DAB2: variants seen among roughly 807,000 people sequenced by gnomAD.
DAB2 encodes the protein disabled homolog 2.
In DAB2, 28 loss-of-function variants were observed where a neutral mutation model predicts 71.6. The observed-to-expected ratio is 0.39, with a 90% CI of 0.29 to 0.54. DAB2 has a LOEUF of 0.54. Ranked by LOEUF, DAB2 falls within the 20% of genes least tolerant of loss-of-function variation. The pLI is 0.68. For missense variants in DAB2, 867 were observed against 928.8 expected (o/e 0.93, Z 0.86); for synonymous variants, 345 against 339.7 (o/e 1.02, Z -0.17).
chr5:39,419,715 A>C (rs1029902131), intron 1 of DAB2, among the ~76,000 whole-genome samples: 2 of 152,216 alleles, frequency 1.3e-5, no homozygotes, highest in African/African-American at 2.4e-5. Flanking sequence ...GTCTCCTAAT[A>C]AATGAAGATT....
Position 39,390,551 on chromosome 5 carries a change from T to A in DAB2, c.355A>T (p.Asn119Tyr). ...TCACGGGCAATGAAAGAAATCTTAT[T>A]TACTGGATGTTCATGCTCTATTACC... ...TGVIEHEHPV[N>Y]KISFIARDVT... Residue 119 changes from asparagine (N) to tyrosine (Y), a missense_variant, in exon 5 of 15, where the codon AAT (asparagine) becomes TAT (tyrosine). Asn to Tyr is a moderately radical substitution (Grantham distance 143, BLOSUM62 -2). Coordinates refer to ENST00000320816, the MANE Select transcript of DAB2 (RefSeq NM_001343.4). 2 of 1,613,286 alleles carry A rather than the reference T, an allele frequency of 1.2e-6. No individual in the cohort carries two copies. The highest frequency in any genetic ancestry group is 1.7e-6 in the Non-Finnish European group (2 of 1,179,310).
intron 4 of DAB2, among the ~76,000 whole-genome samples, chr5:39,391,669 T>C (rs188568119): frequency 1.1e-3 from 164 of 152,142 alleles, no homozygotes; most frequent in African/African-American, 3.8e-3. Context: ...TGATGTTACA[T>C]TGAGTACAGA....
At chr5:39,424,538 G>A (rs1756060920) in intron 1 of DAB2, among the ~76,000 whole-genome samples, 1 of 149,768 alleles carries the variant, frequency 6.7e-6, no homozygotes, top group African/African-American at 2.5e-5. Flanking sequence ...AAAAGGAGGC[G>A]TTTGTTAAAT....
chr5:39,374,790 C>T (rs1405524466), intron 14 of DAB2: 1 of 458,428 alleles, frequency 2.2e-6, no homozygotes, highest in African/African-American at 2.1e-5. Context: ...AATCCACATC[C>T]CCAAGGGTAT....
intron 3 of DAB2, 68 bp downstream of exon 3, chr5:39,393,186 C>T: frequency 6.7e-7 from 1 of 1,497,840 alleles, no homozygotes; most frequent in East Asian, 2.3e-5. Flanking sequence ...TCAACAAGAG[C>T]TTCTAATATA....
Position 39,388,364 on chromosome 5 carries a change from C to T in DAB2, c.628G>A (p.Val210Ile). Residue 210 changes from valine to isoleucine, a missense_variant, in exon 9 of 15, where the codon GTT becomes ATT. Physicochemically the swap from Val to Ile is conservative, Grantham distance 29 (BLOSUM62 3). Around this residue, in one of 2 missense-constraint regions of DAB2, gnomAD observed 740 missense variants for 734.3 expected, o/e 1.01. Transcript: ENST00000320816. ...TCCCCAAACAAATCCATCTGGTCAA[C>T]ACCCTTAAAAAAGTATTTGGATTAG... is the stretch of plus-strand genomic sequence containing the variant. Reference protein sequence around the residue: ...DDQTNKLKSGVDQMDLFGDMS... With the variant: ...DDQTNKLKSGIDQMDLFGDMS... 4.4e-6 allele frequency: 7 copies of T among 1,608,562 alleles called. No individual in the cohort carries two copies. Among genetic ancestry groups the T allele is most frequent in the Non-Finnish European group, 6.0e-6 (7 of 1,175,372 alleles).
chr5:39,418,346 C>A (rs1043555056), intron 1 of DAB2: 5 of 152,094 alleles, frequency 3.3e-5, no homozygotes, highest in African/African-American at 1.2e-4. Context: ...TTCTGTTGCA[C>A]TAAATGGTAA....
chr5:39,395,934 A>ATCCTTTT (rs1755355528), intron 1 of DAB2, among the ~76,000 whole-genome samples: 1 of 32,896 alleles, frequency 3.0e-5, no homozygotes, highest in Non-Finnish European at 6.7e-5. Context: ...AGACACAGAT[A>ATCCTTTT]TTCTTTTTTT....
chr5:39,402,350 T>C (rs937087858), intron 1 of DAB2, among the ~76,000 whole-genome samples: 1 of 152,214 alleles, frequency 6.6e-6, no homozygotes, highest in Non-Finnish European at 1.5e-5. Context: ...GTTTAAACAC[T>C]TTTAGAACAG....
At chr5:39,377,869 T>G (rs1202497815) in intron 11 of DAB2, among the ~76,000 whole-genome samples, 1 of 152,222 alleles carries the variant, frequency 6.6e-6, no homozygotes, top group Non-Finnish European at 1.5e-5. Context: ...CTTCACTTTT[T>G]ATTGCTGCCA....
intron 4 of DAB2, among the ~76,000 whole-genome samples, chr5:39,391,075 C>T (rs990899683): frequency 2.6e-5 from 4 of 152,162 alleles, no homozygotes; most frequent in African/African-American, 9.7e-5. Flanking sequence ...ATACCAAATA[C>T]TGTCATCAAG....
intron 1 of DAB2, among the ~76,000 whole-genome samples, chr5:39,399,022 G>C (rs551457077): frequency 6.6e-6 from 1 of 151,662 alleles, no homozygotes; most frequent in African/African-American, 2.4e-5. Flanking sequence ...GGGATCTGAG[G>C]ACCAAAAGTC....
At chr5:39,400,007 C>A (rs930980732) in intron 1 of DAB2, among the ~76,000 whole-genome samples, 6 of 152,160 alleles carry the variant, frequency 3.9e-5, no homozygotes, top group Admixed American at 2.6e-4. Flanking sequence ...CTGTGACTCC[C>A]AAGCCTACCT....
chr5:39,419,523 G>A (rs970961741), intron 1 of DAB2, among the ~76,000 whole-genome samples: 24 of 152,152 alleles, frequency 1.6e-4, no homozygotes, highest in African/African-American at 5.8e-4. Context: ...GCAGTGCTTC[G>A]TTAGCCATTA....
chr5:39,376,909 A>C lies in DAB2; in HGVS notation c.1878T>G (p.Ala626=), dbSNP rs1754844458. 5.0e-6 allele frequency: 8 copies of C among 1,614,118 alleles called. No individual in the cohort carries two copies. Among genetic ancestry groups the C allele is most frequent in the Non-Finnish European group, 5.9e-6 (7 of 1,179,980 alleles). ...CACTGGAGATGTCCTTGGGAGGGCC[A>C]GCTCTGGGAGGTGGCTGAGGAGGAG... ...LVTPPQPPPR[A]GPPKDISSDA... The change falls in exon 12 of 15, where the codon GCT becomes GCG. Residue 626 remains alanine (A), a synonymous_variant. Coordinates refer to ENST00000320816, the MANE Select transcript of DAB2 (RefSeq NM_001343.4).
intron 1 of DAB2, among the ~76,000 whole-genome samples, chr5:39,397,479 ACT>A (rs1373592956): frequency 2.0e-5 from 3 of 151,878 alleles, no homozygotes; most frequent in Non-Finnish European, 2.9e-5. Flanking sequence ...TTCTCTTCTT[ACT>A]CTCTCAGTTT....
chr5:39,379,785 A>G (rs950557247), intron 11 of DAB2, among the ~76,000 whole-genome samples: 1 of 151,464 alleles, frequency 6.6e-6, no homozygotes, highest in Admixed American at 6.6e-5. Context: ...CAGACCTACA[A>G]CCTTCCATGG....
intron 1 of DAB2, among the ~76,000 whole-genome samples, chr5:39,412,277 C>T (rs566928219): frequency 5.3e-5 from 8 of 152,134 alleles, no homozygotes; most frequent in Admixed American, 3.9e-4. Flanking sequence ...CCTGCAGACA[C>T]TGACAGCCTT....
chr5:39,377,277 C>T lies in DAB2; in HGVS notation c.1510G>A (p.Val504Ile), dbSNP rs771645127. ...PVGPLVGLGGVTVTLPQAGPW... is the reference protein window; with the variant it reads ...PVGPLVGLGGITVTLPQAGPW... The stretch of plus-strand genomic sequence containing the variant: ...CCTGCCTGAGGGAGTGTGACAGTTA[C>T]ACCACCTGAAGTAAGAGGAAGAAAA... The change falls in exon 12 of 15, where the codon GTA (valine) becomes ATA (isoleucine). Residue 504 changes from valine to isoleucine, a missense_variant. By Grantham distance (29) the Val-to-Ile change is conservative. This residue lies in a region of DAB2 where 740 missense variants were observed against 734.3 expected (regional missense o/e 1.01). Coordinates refer to ENST00000320816, the MANE Select transcript of DAB2 (RefSeq NM_001343.4). The T allele has an allele frequency of 1.9e-6, 3 of 1,608,630 alleles. No homozygotes were observed. The highest frequency in any genetic ancestry group is 2.2e-5 in the South Asian group (2 of 90,302).
Sources: allele counts gnomAD v4.1 joint callset (sites outside exome capture counted in the v4.1 genomes callset), GRCh38; gene constraint gnomAD v4.1.1; regional missense constraint gnomAD v4.1.1; transcripts MANE v1.5; gene names NCBI Gene and HGNC (gene_info 2026-07-23, HGNC 2026-07-21).